The following RABGAP1L variants were observed in gnomAD, a reference collection of about 807,000 sequenced individuals.
RABGAP1L encodes the protein RAB GTPase activating protein 1 like.
A neutral mutation model predicts 137.7 loss-of-function variants in RABGAP1L; 63 were observed. The ratio of observed to expected loss-of-function variants is 0.46; its 90% CI spans 0.37 to 0.56. The LOEUF is 0.56. Ranked by LOEUF, RABGAP1L falls within the 20% of genes least tolerant of loss-of-function variation. RABGAP1L has a pLI of 0.00. For missense variants in RABGAP1L, 1,095 were observed against 1,244.0 expected (o/e 0.88, Z 1.80); for synonymous variants, 431 against 433.7 (o/e 0.99, Z 0.08).
At chr1:174,370,849 T>G in intron 11 of RABGAP1L, 130 bp from the exon 12 acceptor site, 1 of 412,018 alleles carries the variant, frequency 2.4e-6, no homozygotes, top group Non-Finnish European at 4.3e-6. Context: ...CTGTTATTTT[T>G]GCAATGCATG....
intron 13 of RABGAP1L, among the ~76,000 whole-genome samples, chr1:174,610,830 T>C (rs1484118388): frequency 6.6e-6 from 1 of 152,178 alleles, no homozygotes; most frequent in Non-Finnish European, 1.5e-5. Context: ...TTTTCATGTG[T>C]TTTTTGGCTG....
At chr1:174,292,329 CTTTTTTTT>C (rs61636433) in intron 10 of RABGAP1L, among the ~76,000 whole-genome samples, 2 of 50,620 alleles carry the variant, frequency 4.0e-5, no homozygotes, top group Middle Eastern at 0.014. Context: ...CCTACCTAAT[CTTTTTTTT>C]TTTTTTTTTT....
At chr1:174,781,837 T>G (rs1002678404) in intron 18 of RABGAP1L, among the ~76,000 whole-genome samples, 6 of 152,174 alleles carry the variant, frequency 3.9e-5, no homozygotes, top group African/African-American at 9.7e-5. Flanking sequence ...TTTCCCCATT[T>G]CTTGTTTTTC....
intron 7 of RABGAP1L, among the ~76,000 whole-genome samples, chr1:174,265,195 C>T (rs181492499): frequency 2.0e-4 from 30 of 152,162 alleles, no homozygotes; most frequent in Non-Finnish European, 3.8e-4. Flanking sequence ...AATTAGCACC[C>T]GTTTATTTTG....
chr1:174,647,726 TG>T lies in RABGAP1L; in HGVS notation c.1824+10239del, dbSNP rs544933883. On this transcript the variant is annotated intron_variant, in intron 14 of 25. Coordinates refer to ENST00000681986, the MANE Select transcript of RABGAP1L (RefSeq NM_001366446.1). Reference sequence around the variant, plus strand: ...TCAGGATGGTGCTGGCCTCATAAAATGAGTTAGGGAGGAGTCCCTCTTTTTC... The same window carrying T: ...TCAGGATGGTGCTGGCCTCATAAAATAGTTAGGGAGGAGTCCCTCTTTTTC... 2.4e-3 allele frequency among the ~76,000 whole-genome samples: 364 copies of T among 152,276 alleles called. 5 individuals are homozygous for T. The highest frequency in any genetic ancestry group is 7.9e-3 in the African/African-American group (330 of 41,528).
intron 14 of RABGAP1L, among the ~76,000 whole-genome samples, chr1:174,672,076 C>A (rs535718901): frequency 1.3e-4 from 20 of 152,088 alleles, no homozygotes; most frequent in African/African-American, 4.8e-4. Context: ...CATATGTACA[C>A]AGATTTATCC....
At chr1:174,265,070 A>C (rs1246514628) in intron 7 of RABGAP1L, among the ~76,000 whole-genome samples, 1 of 152,186 alleles carries the variant, frequency 6.6e-6, no homozygotes, top group Non-Finnish European at 1.5e-5. Flanking sequence ...GAAGGAGAAA[A>C]ATGGACTTTT....
intron 18 of RABGAP1L, among the ~76,000 whole-genome samples, chr1:174,779,169 T>A (rs1405906759): frequency 1.3e-5 from 2 of 152,194 alleles, no homozygotes; most frequent in Non-Finnish European, 2.9e-5. Flanking sequence ...TGAGTTGAAC[T>A]TGAGTACTGT....
chr1:174,361,420 A>G lies in RABGAP1L; in HGVS notation c.1466-9559A>G, dbSNP rs150632016. 1.9e-3 allele frequency among the ~76,000 whole-genome samples: 289 copies of G among 152,160 alleles called. 3 individuals are homozygous for G. The East Asian group carries it at 0.043, about 23-fold the overall frequency. On this transcript the variant is annotated intron_variant, in intron 11 of 25. Coordinates refer to ENST00000681986, the MANE Select transcript of RABGAP1L (RefSeq NM_001366446.1). The stretch of plus-strand genomic sequence containing the variant: ...TGATTCTTCCAATCCATGAACATGA[A>G]ATATATTTGTATTTTTTGGCATCCT...
At chr1:174,372,103 C>T (rs4651015) in intron 12 of RABGAP1L, among the ~76,000 whole-genome samples, 53,351 of 151,934 alleles carry the variant, frequency 0.35, 12,030 homozygotes, top group African/African-American at 0.64. Flanking sequence ...TGTATCCTTA[C>T]ACATATCACA....
In RABGAP1L at chr1:174,493,830, A is replaced by C. The variant is rs987081556; in HGVS notation, c.1710+99685A>C. ...GAGTGAGACCCTGTCTGAAAAAAAA[A>C]AAAAAAAAAAAGTATAGGCAGAATG... On this transcript the variant is annotated intron_variant, in intron 13 of 25. Coordinates refer to ENST00000681986, the MANE Select transcript of RABGAP1L (RefSeq NM_001366446.1). 7.9e-5 allele frequency among the ~76,000 whole-genome samples: 12 copies of C among 151,686 alleles called. 1 individual carries two copies. The highest frequency in any genetic ancestry group is 2.9e-4 in the African/African-American group (12 of 41,286).
intron 11 of RABGAP1L, among the ~76,000 whole-genome samples, chr1:174,315,723 C>A (rs1679318465): frequency 6.6e-6 from 1 of 151,164 alleles, no homozygotes; most frequent in Non-Finnish European, 1.5e-5. Flanking sequence ...AATGCCTTGA[C>A]ATAGTCTTCT....
chr1:174,264,077 T>TA lies in RABGAP1L; in HGVS notation c.987-8336dup, dbSNP rs1199097183. ...AGACTTAAAAATGTTATTTTTTTTT[T>TA]AGTAGGACTTTAAGCAATTAATTAA... is the stretch of plus-strand genomic sequence containing the variant. On this transcript the variant is annotated intron_variant, in intron 7 of 25. Transcript: ENST00000681986. 1.8e-4 allele frequency among the ~76,000 whole-genome samples: 27 copies of TA among 152,122 alleles called. No homozygotes were observed. The East Asian group carries it at 3.9e-3, about 22-fold the overall frequency.
At chr1:174,385,079 C>T (rs4651019) in intron 12 of RABGAP1L, among the ~76,000 whole-genome samples, 1 of 151,860 alleles carries the variant, frequency 6.6e-6, no homozygotes, top group African/African-American at 2.4e-5. Flanking sequence ...TTCTGACTGC[C>T]CAGTGAAAAA....
intron 17 of RABGAP1L, among the ~76,000 whole-genome samples, chr1:174,735,612 CAAAAAAAAAAAAAAAAAA>C (rs59281177): frequency 2.2e-5 from 1 of 46,134 alleles, no homozygotes; most frequent in Non-Finnish European, 3.8e-5. Context: ...AACTCCATCT[CAAAAAAAAAAAAAAAAAA>C]AAAAAAAAAA....
chr1:174,616,351 A>G (rs1671862926), intron 13 of RABGAP1L, among the ~76,000 whole-genome samples: 1 of 152,204 alleles, frequency 6.6e-6, no homozygotes, highest in East Asian at 1.9e-4. Context: ...GTTGGGAGAG[A>G]ATTTAAACTT....
intron 18 of RABGAP1L, among the ~76,000 whole-genome samples, chr1:174,773,279 T>C (rs1202312105): frequency 6.6e-6 from 1 of 152,138 alleles, no homozygotes; most frequent in African/African-American, 2.4e-5. Flanking sequence ...TAATCCTAGC[T>C]ACTTGGAAGG....
At chr1:174,282,537 A>C (rs55687343) in intron 10 of RABGAP1L, among the ~76,000 whole-genome samples, 5,273 of 152,254 alleles carry the variant, frequency 0.035, 120 homozygotes, top group Middle Eastern at 0.088. Context: ...TCAGATACAC[A>C]TATTTCAAAT....
chr1:174,952,605 T>C (rs770123278), intron 19 of RABGAP1L, among the ~76,000 whole-genome samples: 2 of 152,118 alleles, frequency 1.3e-5, no homozygotes, highest in Non-Finnish European at 2.9e-5. Flanking sequence ...GTTTGTTTTA[T>C]TTTGAGACAG....
Sources: allele counts gnomAD v4.1 joint callset (sites outside exome capture counted in the v4.1 genomes callset), GRCh38; gene constraint gnomAD v4.1.1; transcripts MANE v1.5; gene names NCBI Gene and HGNC (gene_info 2026-07-23, HGNC 2026-07-21).